HS2ST1: variants seen among roughly 807,000 people sequenced by gnomAD.
HS2ST1 encodes the protein heparan sulfate 2-O-sulfotransferase 1, also known as 2-O-sulfotransferase.
HS2ST1 carries 18 observed loss-of-function variants against 42.9 expected under a neutral mutation model. The ratio of observed to expected loss-of-function variants is 0.42; its 90% CI spans 0.29 to 0.62. The LOEUF is 0.62. Ranked by LOEUF, HS2ST1 falls within the 20% of genes least tolerant of loss-of-function variation. HS2ST1 has a pLI of 0.21. For synonymous variants in HS2ST1, 146 were observed against 152.9 expected, an observed-to-expected ratio of 0.95 and a Z score of 0.33; for missense variants, 334 against 433.8, an observed-to-expected ratio of 0.77 and a Z score of 2.04.
At chr1:87,049,301 A>G (rs1268340620) in intron 1 of HS2ST1, among the ~76,000 whole-genome samples, 3 of 151,612 alleles carry the variant, frequency 2.0e-5, no homozygotes, top group African/African-American at 4.8e-5. Context: ...TAGTCTGGCT[A>G]GAAGTTTATC....
chr1:86,990,838 T>TATA (rs56155347), intron 1 of HS2ST1, among the ~76,000 whole-genome samples: 146 of 28,070 alleles, frequency 5.2e-3, no homozygotes, highest in African/African-American at 0.021. Flanking sequence ...ATATATATAT[T>TATA]TTTTTTTTTT....
At chr1:86,935,032 C>A (rs928949541) in intron 1 of HS2ST1, 1 of 151,392 alleles carries the variant, frequency 6.6e-6, no homozygotes. Flanking sequence ...CCACATCAGA[C>A]CAGAAATCCT....
Position 87,083,455 on chromosome 1 carries a change from T to G in HS2ST1, c.364-739T>G, listed in dbSNP as rs1651739953. 2.0e-5 allele frequency among the ~76,000 whole-genome samples: 3 copies of G among 152,316 alleles called. No individual in the cohort carries two copies. The South Asian group carries it at 6.2e-4, about 32-fold the overall frequency. ...ATTTGCTTATCAAAAATGTATACCA[T>G]TTTCCATTGAGAAATTGTATATCAC... On this transcript the variant is annotated intron_variant, in intron 2 of 6. Transcript: ENST00000370550.
At chr1:87,045,051 G>T in intron 1 of HS2ST1, 1 of 1,197,222 alleles carries the variant, frequency 8.4e-7, no homozygotes, top group Non-Finnish European at 1.2e-6. Context: ...ACTGACGTCA[G>T]CATTCTTTGA....
At chr1:87,009,042 C>T (rs1319265554) in intron 1 of HS2ST1, among the ~76,000 whole-genome samples, 1 of 152,148 alleles carries the variant, frequency 6.6e-6, no homozygotes, top group Non-Finnish European at 1.5e-5. Flanking sequence ...TGAGATTTTA[C>T]CATGTTGTCC....
intron 1 of HS2ST1, among the ~76,000 whole-genome samples, chr1:86,925,750 C>G (rs1309469691): frequency 6.6e-6 from 1 of 152,176 alleles, no homozygotes; most frequent in African/African-American, 2.4e-5. Flanking sequence ...CACAGCCAAA[C>G]CATATCACAT....
Position 87,051,293 on chromosome 1 carries a change from A to G in HS2ST1, c.125-21641A>G, listed in dbSNP as rs570296272. Among the ~76,000 whole-genome samples the G allele has an allele frequency of 8.2e-4, 125 of 152,074 alleles. 2 individuals are homozygous for G. The highest frequency in any genetic ancestry group is 3.2e-3 in the Middle Eastern group (1 of 314). On this transcript the variant is annotated intron_variant, in intron 1 of 6. Coordinates refer to ENST00000370550, the MANE Select transcript of HS2ST1 (RefSeq NM_012262.4). ...GAATGTACTTAAATTTATGTTGCCT[A>G]ATTCAAATAGATTAATGGGGATGAG...
At position 86,915,203 on chromosome 1, in the gene HS2ST1, C is replaced by T. The variant is rs780059552; in HGVS notation, c.124+43C>T. 8.0e-5 allele frequency: 126 copies of T among 1,566,732 alleles called. No individual in the cohort carries two copies. In the Admixed American group the frequency reaches 8.7e-4, roughly 11 times the overall value. On this transcript the variant is annotated intron_variant, in intron 1 of 6. Transcript: ENST00000370550. ...CCCGGGCTGAGTGCTGTGGAAGGGG[C>T]CGAGGAGGCGCTGCCGCCGGAGCAA... is the stretch of plus-strand genomic sequence containing the variant.
intron 5 of HS2ST1, among the ~76,000 whole-genome samples, chr1:87,101,143 G>GTA (rs1652187502): frequency 8.5e-6 from 1 of 117,958 alleles, no homozygotes; most frequent in East Asian, 2.6e-4. Context: ...TTGTGTGTGT[G>GTA]TGTGTGTTTT....
At chr1:87,086,390 C>G (rs72955585) in intron 3 of HS2ST1, among the ~76,000 whole-genome samples, 26 of 152,218 alleles carry the variant, frequency 1.7e-4, no homozygotes, top group African/African-American at 6.0e-4. Context: ...AGTTCAGACT[C>G]GTGTTGTTCA....
At chr1:87,029,069 A>C (rs1650164256) in intron 1 of HS2ST1, among the ~76,000 whole-genome samples, 1 of 152,132 alleles carries the variant, frequency 6.6e-6, no homozygotes, top group South Asian at 2.1e-4. Flanking sequence ...ATATTAGCAA[A>C]TCTAATCCAG....
In HS2ST1 at chr1:86,966,955, G is replaced by A. The variant is rs560002163; in HGVS notation, c.124+51795G>A. Among the ~76,000 whole-genome samples the A allele has an allele frequency of 5.1e-3, 772 of 151,168 alleles. 9 individuals are homozygous for A. The highest frequency in any genetic ancestry group is 0.018 in the African/African-American group (735 of 41,174). Reference sequence around the variant, plus strand: ...TGCCCAGGCTGGAGTGCAATGGTGCGATCTCAGCTCACTGCAACCTCTGCC... The same window carrying A: ...TGCCCAGGCTGGAGTGCAATGGTGCAATCTCAGCTCACTGCAACCTCTGCC... On this transcript the variant is annotated intron_variant, in intron 1 of 6. Coordinates refer to ENST00000370550, the MANE Select transcript of HS2ST1 (RefSeq NM_012262.4).
Position 86,989,687 on chromosome 1 carries a change from A to G in HS2ST1, c.124+74527A>G, listed in dbSNP as rs1648887216. 2.6e-5 allele frequency among the ~76,000 whole-genome samples: 4 copies of G among 152,294 alleles called. No homozygotes were observed. In the South Asian group the frequency reaches 8.3e-4, roughly 32 times the overall value. ...CAGCACCCATCAACCTGTCATCTAC[A>G]TTAGGTATTTCTCCTAATGCTATCC... On this transcript the variant is annotated intron_variant, in intron 1 of 6. Coordinates refer to ENST00000370550, the MANE Select transcript of HS2ST1 (RefSeq NM_012262.4).
chr1:86,985,383 TACACACACACACACAC>T (rs1318154258), intron 1 of HS2ST1, among the ~76,000 whole-genome samples: 7 of 44,622 alleles, frequency 1.6e-4, no homozygotes, highest in South Asian at 1.1e-3. Context: ...TATATATATA[TACACACACACACACAC>T]ATATATATAC....
intron 4 of HS2ST1, among the ~76,000 whole-genome samples, chr1:87,095,726 T>TTTTGC (rs1652045244): frequency 6.6e-6 from 1 of 150,920 alleles, no homozygotes; most frequent in Non-Finnish European, 1.5e-5. Context: ...CCCAAAGAGC[T>TTTTGC]TTTGTTTTGT....
intron 1 of HS2ST1, among the ~76,000 whole-genome samples, chr1:86,996,501 A>G (rs1649108431): frequency 6.6e-6 from 1 of 151,232 alleles, no homozygotes; most frequent in Non-Finnish European, 1.5e-5. Context: ...TTTCATAAGT[A>G]TTTGTGTTGC....
At chr1:87,040,280 C>G (rs1020694595) in intron 1 of HS2ST1, among the ~76,000 whole-genome samples, 3 of 152,106 alleles carry the variant, frequency 2.0e-5, no homozygotes, top group African/African-American at 7.2e-5. Context: ...TCCCCCTCCC[C>G]GCTCCCTGAA....
At chr1:86,920,630 T>C (rs1296543725) in intron 1 of HS2ST1, among the ~76,000 whole-genome samples, 1 of 152,198 alleles carries the variant, frequency 6.6e-6, no homozygotes, top group Non-Finnish European at 1.5e-5. Context: ...TTTTTGGCAC[T>C]TAGAGAAATT....
At chr1:86,952,319 C>A (rs1249210606) in intron 1 of HS2ST1, among the ~76,000 whole-genome samples, 1 of 151,572 alleles carries the variant, frequency 6.6e-6, no homozygotes, top group African/African-American at 2.4e-5. Flanking sequence ...CTCACTGCAG[C>A]CTTTGCCTCC....
Sources: allele counts gnomAD v4.1 joint callset (sites outside exome capture counted in the v4.1 genomes callset), GRCh38; gene constraint gnomAD v4.1.1; transcripts MANE v1.5; gene names NCBI Gene and HGNC (gene_info 2026-07-23, HGNC 2026-07-21).